Variants in FSTL4 observed in about 807,000 individuals in gnomAD.
FSTL4 encodes the protein follistatin like 4.
Under a neutral mutation model 78.2 loss-of-function variants are expected in FSTL4, and 28 were observed. The ratio of observed to expected loss-of-function variants is 0.36; its 90% CI spans 0.27 to 0.49. FSTL4 has a LOEUF of 0.49. Ranked by LOEUF, FSTL4 falls within the 20% of genes least tolerant of loss-of-function variation. The pLI is 0.98. For synonymous variants in FSTL4, 422 were observed against 440.5 expected, an observed-to-expected ratio of 0.96 and a Z score of 0.53; for missense variants, 922 against 1,084.9, an observed-to-expected ratio of 0.85 and a Z score of 2.11.
intron 1 of FSTL4, among the ~76,000 whole-genome samples, chr5:133,610,314 A>G (rs772425853): frequency 2.0e-5 from 3 of 152,246 alleles, no homozygotes; most frequent in Non-Finnish European, 4.4e-5. Context: ...ATTGAGGATG[A>G]TCATAAAAGT....
intron 3 of FSTL4, among the ~76,000 whole-genome samples, chr5:133,557,058 C>A (rs1338762709): frequency 2.6e-5 from 4 of 152,210 alleles, no homozygotes; most frequent in African/African-American, 9.7e-5. Flanking sequence ...TCCCCAGGTA[C>A]CTCCTGCAGC....
intron 2 of FSTL4, among the ~76,000 whole-genome samples, chr5:133,601,547 G>T (rs1760869017): frequency 6.6e-6 from 1 of 152,192 alleles, no homozygotes; most frequent in Admixed American, 6.5e-5. Flanking sequence ...TCTGCACGAG[G>T]CCCCTGGTGG....
intron 4 of FSTL4, among the ~76,000 whole-genome samples, chr5:133,320,179 C>A (rs919487169): frequency 1.5e-4 from 23 of 152,322 alleles, no homozygotes; most frequent in African/African-American, 5.5e-4. Context: ...GAGGCAGATG[C>A]CCCAAAGCTG....
At chr5:133,633,668 G>C in the FSTL4 span, among the ~76,000 whole-genome samples, 1 of 152,164 alleles carries the variant, frequency 6.6e-6, no homozygotes, top group African/African-American at 2.4e-5. Flanking sequence ...TTGGTTGTAT[G>C]ATGATGAGTT....
chr5:133,389,964 G>A (rs952929306), intron 4 of FSTL4, among the ~76,000 whole-genome samples: 3 of 152,198 alleles, frequency 2.0e-5, no homozygotes, highest in Non-Finnish European at 2.9e-5. Context: ...TAGCCAGGCC[G>A]AATGAGTGAG....
At chr5:133,695,840 T>C in the FSTL4 span, among the ~76,000 whole-genome samples, 1 of 152,120 alleles carries the variant, frequency 6.6e-6, no homozygotes, top group Non-Finnish European at 1.5e-5. Context: ...GAAGTAAAGA[T>C]GTGAGTGACC....
At chr5:133,204,954 T>A (rs1269426151) in intron 14 of FSTL4, among the ~76,000 whole-genome samples, 1 of 152,212 alleles carries the variant, frequency 6.6e-6, no homozygotes, top group Non-Finnish European at 1.5e-5. Flanking sequence ...TCTTTAATCC[T>A]AGCCCACAGT....
intron 3 of FSTL4, among the ~76,000 whole-genome samples, chr5:133,542,297 T>G (rs866155769): frequency 1.2e-4 from 19 of 152,186 alleles, no homozygotes; most frequent in Non-Finnish European, 2.5e-4. Flanking sequence ...ATCAAGAGAC[T>G]TCTAGTGGCA....
chr5:133,717,615 T>C, the FSTL4 span, among the ~76,000 whole-genome samples: 1 of 152,224 alleles, frequency 6.6e-6, no homozygotes, highest in Non-Finnish European at 1.5e-5. Flanking sequence ...ATAATCTGCT[T>C]TCTGTGGCCA....
At chr5:133,722,805 G>C in the FSTL4 span, among the ~76,000 whole-genome samples, 1 of 152,156 alleles carries the variant, frequency 6.6e-6, no homozygotes, top group Admixed American at 6.5e-5. Context: ...GCAGGCTCTG[G>C]TGGCTTTCAT....
the FSTL4 span, among the ~76,000 whole-genome samples, chr5:133,710,845 AC>A: frequency 6.6e-6 from 1 of 152,276 alleles, no homozygotes; most frequent in South Asian, 2.1e-4. Context: ...GAAAAGAGTA[AC>A]CAAATAAATG....
chr5:133,374,993 G>A (rs1025562951), intron 4 of FSTL4, among the ~76,000 whole-genome samples: 1 of 151,972 alleles, frequency 6.6e-6, no homozygotes, highest in African/African-American at 2.4e-5. Context: ...AGAAATCTTG[G>A]AGTCCCAAAA....
At chr5:133,710,190 C>T in the FSTL4 span, among the ~76,000 whole-genome samples, 2 of 152,160 alleles carry the variant, frequency 1.3e-5, no homozygotes, top group Non-Finnish European at 2.9e-5. Flanking sequence ...ATGCCTATTC[C>T]TTGGATAAGG....
chr5:133,413,341 C>T (rs887692106), intron 3 of FSTL4, among the ~76,000 whole-genome samples: 15 of 151,904 alleles, frequency 9.9e-5, no homozygotes, highest in Admixed American at 9.8e-4. Flanking sequence ...CTCTTATGTT[C>T]GTGTATTTTT....
At chr5:133,442,400 T>C (rs1447133878) in intron 3 of FSTL4, among the ~76,000 whole-genome samples, 1 of 152,170 alleles carries the variant, frequency 6.6e-6, no homozygotes, top group East Asian at 1.9e-4. Flanking sequence ...AGATGCTAAA[T>C]AGAGCTATGC....
chr5:133,562,619 G>C (rs1302324890), intron 3 of FSTL4, among the ~76,000 whole-genome samples: 1 of 152,194 alleles, frequency 6.6e-6, no homozygotes, highest in African/African-American at 2.4e-5. Flanking sequence ...CTTGCTAGAA[G>C]CCAGGCCAGG....
In FSTL4 at chr5:133,335,687, G is replaced by A. The variant is rs531401498; in HGVS notation, c.410-19035C>T. 6.6e-5 allele frequency among the ~76,000 whole-genome samples: 10 copies of A among 151,758 alleles called. No homozygotes were observed. In the South Asian group the frequency reaches 1.0e-3, roughly 16 times the overall value. On this transcript the variant is annotated intron_variant, in intron 4 of 15. Transcript: ENST00000265342. ...GCTCTCCCCTCCCCTTTCTTGGGGG[G>A]GGTGGCAATCAGAGTCCAAATTCTG...
At chr5:133,232,399 C>A (rs985438305) in intron 8 of FSTL4, among the ~76,000 whole-genome samples, 2 of 151,104 alleles carry the variant, frequency 1.3e-5, no homozygotes, top group Non-Finnish European at 2.9e-5. Flanking sequence ...TTGGCTTGAA[C>A]GTTTTCTCTG....
the FSTL4 span, among the ~76,000 whole-genome samples, chr5:133,725,389 T>A: frequency 1.3e-5 from 2 of 152,208 alleles, no homozygotes; most frequent in Non-Finnish European, 2.9e-5. Context: ...ATTACCAGGA[T>A]GCAGTATTAT....
Sources: allele counts gnomAD v4.1 joint callset (sites outside exome capture counted in the v4.1 genomes callset), GRCh38; gene constraint gnomAD v4.1.1; transcripts MANE v1.5; gene names NCBI Gene and HGNC (gene_info 2026-07-23, HGNC 2026-07-21).